FGFRL1: variants seen among roughly 807,000 people sequenced by gnomAD.
The protein encoded by FGFRL1 is fibroblast growth factor receptor-like 1.
A neutral mutation model predicts 36.8 loss-of-function variants in FGFRL1; 24 were observed. The ratio of observed to expected loss-of-function variants is 0.65; its 90% confidence interval spans 0.47 to 0.92. The LOEUF (loss-of-function observed/expected upper bound fraction) is 0.92. Among genes scored for constraint, FGFRL1 ranks in the 40% least tolerant of loss-of-function variants. The probability of loss-of-function intolerance (pLI) is 0.00; values close to 1 mark genes in which losing one functional copy is unlikely to be tolerated. For synonymous variants in FGFRL1, 422 were observed against 344.1 expected (o/e 1.23, Z -2.50); for missense variants, 785 against 753.4 (o/e 1.04, Z -0.49).
At position 1,024,982 on chromosome 4, in the gene FGFRL1, C is replaced by T. The variant is rs373660136; in HGVS notation, c.1150C>T (p.Pro384Ser). The change falls in exon 7 of 7, where the codon CCA (proline) becomes TCA (serine). Residue 384 changes from proline to serine, a missense_variant. By Grantham distance (74) the Pro-to-Ser change is moderately conservative. Coordinates refer to ENST00000510644, the MANE Select transcript of FGFRL1 (RefSeq NM_001004356.3). ...GCCGTGGCCCGTGGTCATCGGCATC[C>T]CAGCCGGCGCTGTCTTCATCCTGGG... ...SLPWPVVIGI[P>S]AGAVFILGTL... 2 of 1,609,970 alleles carry T rather than the reference C, an allele frequency of 1.2e-6. No homozygotes were observed. The highest frequency in any genetic ancestry group is 1.7e-6 in the Non-Finnish European group (2 of 1,179,602).
rs1168556696 is a variant in FGFRL1 at position 1,024,892 on chromosome 4, C to T, written c.1073-13C>T. On this transcript the variant is annotated splice_polypyrimidine_tract_variant and intron_variant, in intron 6 of 6. Transcript: ENST00000510644. Reference sequence around the variant, plus strand: ...CGTTCCCCTCCCTACCTCCTTTCCTCTCGCTCTTGCAGACCCAAAACCGCC... The same window carrying T: ...CGTTCCCCTCCCTACCTCCTTTCCTTTCGCTCTTGCAGACCCAAAACCGCC... The T allele has an allele frequency of 3.8e-6, 6 of 1,576,586 alleles. No individual in the cohort carries two copies. Among genetic ancestry groups the T allele is most frequent in the Non-Finnish European group, 5.1e-6 (6 of 1,165,664 alleles).
At chr4:1,020,130 G>T (rs66515989) in intron 2 of FGFRL1, among the ~76,000 whole-genome samples, 6 of 152,168 alleles carry the variant, frequency 3.9e-5, no homozygotes, top group Admixed American at 1.3e-4. Context: ...GTCTGAAGAC[G>T]CCAGTGGGAG....
intron 2 of FGFRL1, among the ~76,000 whole-genome samples, chr4:1,013,394 C>A (rs1560557258): frequency 6.6e-6 from 1 of 152,270 alleles, no homozygotes; most frequent in Non-Finnish European, 1.5e-5. Flanking sequence ...ATTGTCCGCG[C>A]TGTGTCCACC....
intron 2 of FGFRL1, 58 bp downstream of exon 2, chr4:1,012,622 G>T: frequency 1.4e-6 from 1 of 707,436 alleles, no homozygotes; most frequent in Non-Finnish European, 2.0e-6. Flanking sequence ...CCCCCTTCCC[G>T]CCCGGCCCTG....
intron 2 of FGFRL1, among the ~76,000 whole-genome samples, chr4:1,017,746 C>T (rs1715968209): frequency 6.6e-6 from 1 of 152,188 alleles, no homozygotes; most frequent in African/African-American, 2.4e-5. Flanking sequence ...TCTCCCTGTG[C>T]TGAGGGCTGT....
chr4:1,016,684 C>G (rs1192529941), intron 2 of FGFRL1, among the ~76,000 whole-genome samples: 1 of 152,040 alleles, frequency 6.6e-6, no homozygotes, highest in Non-Finnish European at 1.5e-5. Context: ...GGTCTGCTCC[C>G]CGAGGGCCGC....
In FGFRL1 at chr4:1,019,083, G is replaced by A. The variant is rs187945010; in HGVS notation, c.80-3120G>A. Among the ~76,000 whole-genome samples the A allele has an allele frequency of 1.8e-3, 278 of 152,262 alleles. 1 individual carries two copies. Among genetic ancestry groups the A allele is most frequent in the African/African-American group, 6.4e-3 (266 of 41,560 alleles). On this transcript the variant is annotated intron_variant, in intron 2 of 6. Coordinates refer to ENST00000510644, the MANE Select transcript of FGFRL1 (RefSeq NM_001004356.3). ...AGTGGTGACCACAGGCGGGGGTCCCGCCTCCCTGTCTGTGCCTGTCATCCT... is the reference window on the plus strand; with the variant it reads ...AGTGGTGACCACAGGCGGGGGTCCCACCTCCCTGTCTGTGCCTGTCATCCT...
At chr4:1,014,008 G>A (rs1265197249) in intron 2 of FGFRL1, among the ~76,000 whole-genome samples, 1 of 152,262 alleles carries the variant, frequency 6.6e-6, no homozygotes, top group African/African-American at 2.4e-5. Context: ...GAGGTGGGGA[G>A]GAGGTTCTTC....
At chr4:1,018,126 G>T (rs1395575948) in intron 2 of FGFRL1, among the ~76,000 whole-genome samples, 1 of 152,164 alleles carries the variant, frequency 6.6e-6, no homozygotes, top group Non-Finnish European at 1.5e-5. Flanking sequence ...GACGGGGAAG[G>T]GCAGGCCGCA....
Position 1,025,840 on chromosome 4 carries a change from A to T in FGFRL1, c.*493A>T, listed in dbSNP as rs759248664. ...TGGACACACAGATAATGCTGCCTTG[A>T]CACACACATGCACGGATATTGCCTG... On this transcript the variant is annotated 3_prime_UTR_variant, in exon 7 of 7. Coordinates refer to ENST00000510644, the MANE Select transcript of FGFRL1 (RefSeq NM_001004356.3). 6.3e-5 allele frequency: 12 copies of T among 189,660 alleles called. No individual in the cohort carries two copies. The highest frequency in any genetic ancestry group is 1.2e-4 in the Non-Finnish European group (11 of 92,436). 11.7% of individuals were successfully genotyped at this position (189,660 alleles called of 1,614,324 possible). A position where few individuals can be genotyped will look rare whatever the true frequency, so the allele number is the denominator to read the frequency against.
chr4:1,023,746 G>A lies in FGFRL1; in HGVS notation c.433+25G>A, dbSNP rs1244637076. ...GGTGAGCAGGGGGTGACGGGGGTGG[G>A]GGGCGTCCGTCTGTCCCGGCCCCTT... On this transcript the variant is annotated intron_variant, in intron 4 of 6. Transcript: ENST00000510644. The surrounding 1 kb of genome is among the most constrained non-coding windows in gnomAD (Gnocchi z 6.0). 1 of 1,550,304 alleles carries A rather than the reference G, an allele frequency of 6.5e-7. No homozygotes were observed. Among genetic ancestry groups the A allele is most frequent in the Non-Finnish European group, 8.7e-7 (1 of 1,148,114 alleles).
Position 1,024,092 on chromosome 4 carries a change from G to T in FGFRL1, c.709G>T (p.Asp237Tyr). Residue 237 changes from aspartate (D) to tyrosine (Y), a missense_variant, in exon 5 of 7, where the codon GAT becomes TAT. Coordinates refer to ENST00000510644, the MANE Select transcript of FGFRL1 (RefSeq NM_001004356.3). The stretch of plus-strand genomic sequence containing the variant: ...CGCCATCAACGCCACCTACAAGGTG[G>T]ATGTGATCCGTGAGTGTGGCCCCGG... ...AGAINATYKV[D>Y]VIQRTRSKPV... 1 of 1,580,236 alleles carries T rather than the reference G, an allele frequency of 6.3e-7. No homozygotes were observed. The highest frequency in any genetic ancestry group is 8.6e-7 in the Non-Finnish European group (1 of 1,165,244).
intron 6 of FGFRL1, 83 bp downstream of exon 6, chr4:1,024,747 C>T: frequency 1.4e-6 from 2 of 1,442,170 alleles, no homozygotes; most frequent in Non-Finnish European, 9.3e-7. Context: ...CCGGGTGGGG[C>T]CCCACCCTTC....
intron 2 of FGFRL1, among the ~76,000 whole-genome samples, chr4:1,013,540 C>T (rs1024226837): frequency 1.2e-4 from 18 of 152,274 alleles, no homozygotes; most frequent in Non-Finnish European, 2.4e-4. Flanking sequence ...CCCCCCCTAC[C>T]CCCCGCCTGC....
At chr4:1,021,962 G>A (rs925049414) in intron 2 of FGFRL1, among the ~76,000 whole-genome samples, 8 of 152,230 alleles carry the variant, frequency 5.3e-5, no homozygotes, top group Non-Finnish European at 1.2e-4. Context: ...GGGCTGCCCC[G>A]GCCATGAGAG....
chr4:1,022,269 T>A lies in FGFRL1; in HGVS notation c.146T>A (p.Leu49Gln). 1 of 1,590,308 alleles carries A rather than the reference T, an allele frequency of 6.3e-7. No individual in the cohort carries two copies. The highest frequency in any genetic ancestry group is 8.5e-7 in the Non-Finnish European group (1 of 1,169,732). The change falls in exon 3 of 7, where the codon CTG becomes CAG. Residue 49 changes from leucine to glutamine, a missense_variant. Transcript: ENST00000510644. ...QVARLGRTVRLQCPVEGDPPP... is the reference protein window; with the variant it reads ...QVARLGRTVRQQCPVEGDPPP... ...GCCCGGCTGGGCCGCACTGTGCGGC[T>A]GCAGTGCCCAGTGGAGGGGGACCCG...
chr4:1,019,586 C>CT (rs1406343504), intron 2 of FGFRL1, among the ~76,000 whole-genome samples: 1 of 152,200 alleles, frequency 6.6e-6, no homozygotes, highest in African/African-American at 2.4e-5. Context: ...GCTGTGGGCC[C>CT]TGCAGCCGCT....
Position 1,012,631 on chromosome 4 carries a change from T to C in FGFRL1, c.79+67T>C, listed in dbSNP as rs760110010. ...GCGCCGCCCCCTTCCCGCCCGGCCC[T>C]GAACCCTGCCACAGTGCCCGCCTGG... On this transcript the variant is annotated intron_variant, in intron 2 of 6. Coordinates refer to ENST00000510644, the MANE Select transcript of FGFRL1 (RefSeq NM_001004356.3). The C allele has an allele frequency of 9.1e-4, 579 of 633,706 alleles. 3 individuals are homozygous for C. Among genetic ancestry groups the C allele is most frequent in the Middle Eastern group, 9.0e-4 (2 of 2,216 alleles). 39.3% of individuals were successfully genotyped at this position (633,706 alleles called of 1,614,324 possible).
upstream of FGFRL1, chr4:1,010,269 C>T (rs1338776184): frequency 3.3e-5 from 5 of 152,270 alleles, no homozygotes; most frequent in Non-Finnish European, 5.9e-5. Flanking sequence ...CTGGACCCTT[C>T]CCCGGGTGCA....
Sources: allele counts gnomAD v4.1 joint callset (sites outside exome capture counted in the v4.1 genomes callset), GRCh38; gene constraint gnomAD v4.1.1; non-coding constraint Gnocchi (gnomAD v3.1); transcripts MANE v1.5; gene names NCBI Gene and HGNC (gene_info 2026-07-23, HGNC 2026-07-21).